VCL: variants seen among roughly 807,000 people sequenced by gnomAD.
VCL encodes the protein vinculin.
VCL carries 47 observed loss-of-function variants against 125.7 expected under a neutral mutation model. The observed-to-expected ratio is 0.37, with a 90% confidence interval of 0.30 to 0.48. The LOEUF is 0.48. VCL is among the 20% of genes least tolerant of loss of function. The pLI is 0.99. For synonymous variants in VCL, 458 were observed against 514.6 expected, an observed-to-expected ratio of 0.89 and a Z score of 1.49; for missense variants, 1,069 against 1,455.5, an observed-to-expected ratio of 0.73 and a Z score of 4.32.
chr10:74,044,914 C>T (rs2136250163), intron 2 of VCL, among the ~76,000 whole-genome samples: 1 of 152,250 alleles, frequency 6.6e-6, no homozygotes, highest in South Asian at 2.1e-4. Flanking sequence ...TGCAGTGGCT[C>T]ACACCTGTAA....
chr10:74,090,791 T>A (rs573177460), intron 10 of VCL, among the ~76,000 whole-genome samples: 83 of 152,116 alleles, frequency 5.5e-4, no homozygotes, highest in South Asian at 2.3e-3. Flanking sequence ...TTCCTCTTTT[T>A]TTTTTTATTT....
chr10:74,033,737 A>G (rs750905118), intron 1 of VCL, among the ~76,000 whole-genome samples: 5 of 152,168 alleles, frequency 3.3e-5, no homozygotes, highest in Admixed American at 6.5e-5. Flanking sequence ...GAACTGAGGA[A>G]CCATCTTTTC....
At chr10:74,048,275 C>G (rs1841229942) in intron 2 of VCL, among the ~76,000 whole-genome samples, 7 of 151,998 alleles carry the variant, frequency 4.6e-5, no homozygotes, top group Admixed American at 1.3e-4. Flanking sequence ...TCAAAACCAG[C>G]CTGGCCAACA....
intron 1 of VCL, among the ~76,000 whole-genome samples, chr10:74,036,887 G>A (rs1426535644): frequency 6.6e-6 from 1 of 150,994 alleles, no homozygotes; most frequent in Middle Eastern, 3.2e-3. Context: ...TCCCTTTCTT[G>A]TTTGTTCTAC....
intron 6 of VCL, chr10:74,077,379 C>T (rs1839604932): frequency 2.0e-5 from 3 of 151,956 alleles, no homozygotes; most frequent in African/African-American, 7.4e-5. Context: ...GATAAGTCTT[C>T]CTCCTAACCT....
At chr10:74,117,755 A>G (rs546416015) in intron 21 of VCL, among the ~76,000 whole-genome samples, 1 of 152,342 alleles carries the variant, frequency 6.6e-6, no homozygotes, top group Non-Finnish European at 1.5e-5. Flanking sequence ...GTCCAGGTAC[A>G]GGAAACAGCA....
chr10:74,051,075 G>C (rs1013887255), intron 2 of VCL, among the ~76,000 whole-genome samples: 8 of 151,468 alleles, frequency 5.3e-5, no homozygotes, highest in African/African-American at 1.9e-4. Flanking sequence ...GAGTAGCTGG[G>C]ATTACAGGCA....
rs1165849260 is a variant in VCL, at chr10:74,090,067, G to C, written c.1221G>C (p.Gln407His). Residue 407 changes from glutamine to histidine, a missense_variant, in exon 10 of 22, where the codon CAG (glutamine) becomes CAC (histidine). Transcript: ENST00000211998. ...DPNGGPEGEE[Q>H]IRGALAEARK... ...ATGGTGGACCGGAAGGAGAAGAGCA[G>C]ATTCGAGGTGCTTTGGCTGAAGCTC... is the stretch of plus-strand genomic sequence containing the variant. 1 of 1,614,036 alleles carries C rather than the reference G, an allele frequency of 6.2e-7. No individual in the cohort carries two copies. Among genetic ancestry groups the C allele is most frequent in the Non-Finnish European group, 8.5e-7 (1 of 1,180,034 alleles).
At chr10:74,084,227 C>A (rs1839730248) in intron 8 of VCL, among the ~76,000 whole-genome samples, 1 of 152,046 alleles carries the variant, frequency 6.6e-6, no homozygotes, top group Non-Finnish European at 1.5e-5. Context: ...CCAGGTTGGG[C>A]TGGGATTACA....
chr10:74,077,977 AT>A (rs1217844428), intron 6 of VCL, among the ~76,000 whole-genome samples: 3 of 152,012 alleles, frequency 2.0e-5, no homozygotes, highest in African/African-American at 4.8e-5. Flanking sequence ...TTAGGTTAGC[AT>A]TTTTTTCTGA....
intron 2 of VCL, among the ~76,000 whole-genome samples, chr10:74,054,214 T>A (rs1209946614): frequency 6.6e-6 from 1 of 152,184 alleles, no homozygotes; most frequent in Non-Finnish European, 1.5e-5. Flanking sequence ...ACTATCAGCT[T>A]ATGATTGATA....
At chr10:74,049,024 G>A (rs190407404) in intron 2 of VCL, among the ~76,000 whole-genome samples, 3 of 152,084 alleles carry the variant, frequency 2.0e-5, no homozygotes, top group Admixed American at 2.0e-4. Context: ...AGGAGAATGC[G>A]TGAACCCAGG....
chr10:74,114,913 G>GT lies in VCL; in HGVS notation c.3258+19dup. 1 of 1,574,344 alleles carries GT rather than the reference G, an allele frequency of 6.4e-7. No individual in the cohort carries two copies. On this transcript the variant is annotated intron_variant, in intron 21 of 21. Coordinates refer to ENST00000211998, the MANE Select transcript of VCL (RefSeq NM_014000.3). ...GAGTCTGAGCAGGTATGTGGCAGCT[G>GT]TTTTTGGTTTCTGGCTGGCAGCTTC...
At chr10:74,076,927 T>C (rs1839594786) in intron 6 of VCL, 1 of 152,672 alleles carries the variant, frequency 6.5e-6, no homozygotes, top group Admixed American at 6.5e-5. Context: ...ATTTAGTGAA[T>C]AAATGTTATT....
Position 74,085,953 on chromosome 10 carries a change from C to T in VCL, c.1022+2440C>T, listed in dbSNP as rs563327220. The stretch of plus-strand genomic sequence containing the variant: ...CATGATCTTGGCTCACTGTAACTTC[C>T]GCCTCCTGGGTTCAAGGCATTCTCC... On this transcript the variant is annotated intron_variant, in intron 8 of 21. Coordinates refer to ENST00000211998, the MANE Select transcript of VCL (RefSeq NM_014000.3). Among the ~76,000 whole-genome samples the T allele has an allele frequency of 4.6e-5, 7 of 152,180 alleles. No individual in the cohort carries two copies. In the East Asian group the frequency reaches 5.8e-4, roughly 13 times the overall value.
chr10:74,101,120 T>A (rs541131310), intron 14 of VCL, 23 bp downstream of exon 14: 1 of 1,610,624 alleles, frequency 6.2e-7, no homozygotes, highest in Non-Finnish European at 8.5e-7. Context: ...TCATTCCTCA[T>A]ACAGTGTTCA....
chr10:74,020,301 T>C (rs1840636111), intron 1 of VCL, among the ~76,000 whole-genome samples: 1 of 152,148 alleles, frequency 6.6e-6, no homozygotes, highest in African/African-American at 2.4e-5. Context: ...AATGATTTTA[T>C]TGAAGCTGAA....
intron 2 of VCL, among the ~76,000 whole-genome samples, chr10:74,048,126 C>A (rs1252522392): frequency 6.6e-6 from 1 of 152,150 alleles, no homozygotes; most frequent in African/African-American, 2.4e-5. Context: ...AGCAGCTATG[C>A]TGTATTGTTA....
intron 11 of VCL, 91 bp from the exon 12 acceptor site, chr10:74,095,565 G>A (rs1839954998): frequency 6.5e-7 from 1 of 1,549,340 alleles, no homozygotes; most frequent in African/African-American, 1.4e-5. Flanking sequence ...CAGCTTGGGT[G>A]ATAGAGCAAG....
Sources: gnomAD v4.1 joint callset for allele counts (sites outside exome capture counted in the v4.1 genomes callset) on GRCh38, gnomAD v4.1.1 for gene constraint, MANE v1.5 for transcripts, NCBI Gene and HGNC (gene_info 2026-07-23, HGNC 2026-07-21) for gene names.